Variants in ATP8A2 observed in about 807,000 individuals in gnomAD.
The protein encoded by ATP8A2 is ATPase phospholipid transporting 8A2.
In ATP8A2, 100 loss-of-function variants were observed where a neutral mutation model predicts 165.6. The observed-to-expected ratio is 0.60, with a 90% CI of 0.51 to 0.71. The LOEUF (loss-of-function observed/expected upper bound fraction) is 0.71, where lower values mean the gene tolerates loss of function less well. ATP8A2 is among the 30% of genes least tolerant of loss of function. The pLI is 0.00. For synonymous variants in ATP8A2, 543 were observed against 548.8 expected, an observed-to-expected ratio of 0.99 and a Z score of 0.15; for missense variants, 1,227 against 1,479.5, an observed-to-expected ratio of 0.83 and a Z score of 2.80.
intron 16 of ATP8A2, chr13:25,567,111 T>C (rs1332906120): frequency 9.7e-6 from 3 of 310,776 alleles, no homozygotes; most frequent in East Asian, 8.6e-5. Context: ...ACTGGGATTC[T>C]AGTGTTTGAA....
chr13:25,911,116 G>A (rs1283087925), intron 33 of ATP8A2, among the ~76,000 whole-genome samples: 1 of 139,138 alleles, frequency 7.2e-6, no homozygotes, highest in Admixed American at 7.4e-5. Flanking sequence ...ATCTAAATTA[G>A]CATCTGACTG....
At chr13:25,832,546 T>C (rs989415245) in intron 28 of ATP8A2, among the ~76,000 whole-genome samples, 4 of 152,296 alleles carry the variant, frequency 2.6e-5, no homozygotes, top group Non-Finnish European at 4.4e-5. Context: ...TACAGGAGTC[T>C]TGAAATTAAA....
intron 2 of ATP8A2, among the ~76,000 whole-genome samples, chr13:25,478,760 G>T (rs1024827455): frequency 6.6e-6 from 1 of 152,192 alleles, no homozygotes; most frequent in Non-Finnish European, 1.5e-5. Context: ...GCTTAGAAAA[G>T]ACTTCAGCTT....
At chr13:25,504,090 T>G (rs9581359) in intron 2 of ATP8A2, among the ~76,000 whole-genome samples, 9,042 of 152,246 alleles carry the variant, frequency 0.059, 340 homozygotes, top group South Asian at 0.13. Context: ...AATCCAGTGG[T>G]GGATTGCAGT....
At chr13:25,943,738 A>G (rs1259837838) in intron 33 of ATP8A2, among the ~76,000 whole-genome samples, 1 of 152,272 alleles carries the variant, frequency 6.6e-6, no homozygotes, top group African/African-American at 2.4e-5. Flanking sequence ...TGGGACTTGT[A>G]CTACTAAGGA....
intron 23 of ATP8A2, among the ~76,000 whole-genome samples, chr13:25,588,217 C>T (rs2039975772): frequency 6.6e-6 from 1 of 152,144 alleles, no homozygotes; most frequent in South Asian, 2.1e-4. Flanking sequence ...ACAAAATGTT[C>T]TACATGGCGG....
In ATP8A2 at chr13:25,634,329, A is replaced by T. The variant is rs144030767; in HGVS notation, c.2211+44630A>T. Among the ~76,000 whole-genome samples, 39 of 152,296 alleles carry T rather than the reference A, an allele frequency of 2.6e-4. No homozygotes were observed. In the East Asian group the frequency reaches 5.2e-3, roughly 20 times the overall value. ...ATAAATTGGACCCATGAATATCAAT[A>T]ATTTCTTAAAAGTAAATACTCAGTA... On this transcript the variant is annotated intron_variant, in intron 24 of 36. Transcript: ENST00000381655.
At chr13:26,003,419 A>G (rs527936257) in intron 35 of ATP8A2, among the ~76,000 whole-genome samples, 3 of 151,924 alleles carry the variant, frequency 2.0e-5, no homozygotes, top group African/African-American at 7.2e-5. Context: ...TGTATTTTGG[A>G]TATTAACCTC....
intron 36 of ATP8A2, among the ~76,000 whole-genome samples, chr13:26,018,210 G>A (rs950929322): frequency 6.6e-6 from 1 of 152,200 alleles, no homozygotes; most frequent in African/African-American, 2.4e-5. Context: ...TGGCCAGAAG[G>A]CATGCTCTCT....
chr13:25,655,959 A>G (rs146443109), intron 24 of ATP8A2, among the ~76,000 whole-genome samples: 39 of 152,314 alleles, frequency 2.6e-4, no homozygotes, highest in African/African-American at 9.1e-4. Context: ...ATGTAAATAA[A>G]CAAGCTCGTC....
At chr13:25,471,109 A>C (rs1027690014) in intron 2 of ATP8A2, among the ~76,000 whole-genome samples, 1 of 152,168 alleles carries the variant, frequency 6.6e-6, no homozygotes, top group South Asian at 2.1e-4. Flanking sequence ...ACCTTCTCGC[A>C]TGTGTTTCTA....
intron 6 of ATP8A2, among the ~76,000 whole-genome samples, chr13:25,533,830 GTTGT>G (rs1001672881): frequency 6.6e-6 from 1 of 152,232 alleles, no homozygotes; most frequent in African/African-American, 2.4e-5. Flanking sequence ...TGGTTTTTTG[GTTGT>G]TTATGGTGAT....
intron 27 of ATP8A2, among the ~76,000 whole-genome samples, chr13:25,776,769 A>T (rs1055296048): frequency 6.6e-6 from 1 of 152,156 alleles, no homozygotes; most frequent in Non-Finnish European, 1.5e-5. Context: ...TCTTCGTGCT[A>T]TCCCAGGCTT....
At chr13:25,981,063 G>C (rs1320824672) in intron 35 of ATP8A2, among the ~76,000 whole-genome samples, 1 of 152,216 alleles carries the variant, frequency 6.6e-6, no homozygotes, top group East Asian at 1.9e-4. Flanking sequence ...TGTTATGGAA[G>C]ACAGTTTGCT....
intron 33 of ATP8A2, among the ~76,000 whole-genome samples, chr13:25,876,815 C>G (rs1174009282): frequency 6.6e-6 from 1 of 152,014 alleles, no homozygotes; most frequent in Non-Finnish European, 1.5e-5. Context: ...AAGAATTTTT[C>G]CACTATTCAA....
intron 1 of ATP8A2, among the ~76,000 whole-genome samples, chr13:25,382,759 C>CTT (rs772036972): frequency 7.1e-6 from 1 of 140,116 alleles, no homozygotes; most frequent in African/African-American, 2.6e-5. Flanking sequence ...ATCTTTTGTC[C>CTT]TTTTTTTTTT....
chr13:25,874,298 A>G (rs1035752978), intron 33 of ATP8A2, among the ~76,000 whole-genome samples: 1 of 151,992 alleles, frequency 6.6e-6, no homozygotes, highest in Non-Finnish European at 1.5e-5. Context: ...TGCTCCTCTC[A>G]CTTCCTGACT....
intron 1 of ATP8A2, among the ~76,000 whole-genome samples, chr13:25,418,835 G>T (rs2034211207): frequency 6.6e-6 from 1 of 152,146 alleles, no homozygotes; most frequent in Non-Finnish European, 1.5e-5. Flanking sequence ...TCCTTGCCTT[G>T]ATTATATGTA....
At chr13:25,809,442 A>C (rs918673719) in intron 27 of ATP8A2, among the ~76,000 whole-genome samples, 1 of 152,136 alleles carries the variant, frequency 6.6e-6, no homozygotes, top group Non-Finnish European at 1.5e-5. Context: ...TTTCATCTCA[A>C]CACTCGTTCT....
Sources: allele counts gnomAD v4.1 joint callset (sites outside exome capture counted in the v4.1 genomes callset), GRCh38; gene constraint gnomAD v4.1.1; transcripts MANE v1.5; gene names NCBI Gene and HGNC (gene_info 2026-07-23, HGNC 2026-07-21).